Variants in TTLL11 observed in about 807,000 individuals in gnomAD.
The protein encoded by TTLL11 is tubulin polyglutamylase TTLL11.
In TTLL11, 42 loss-of-function variants were observed where a neutral mutation model predicts 51.7. The observed-to-expected ratio is 0.81, with a 90% confidence interval of 0.64 to 1.05. TTLL11 has a LOEUF of 1.05. Ranked by LOEUF, TTLL11 falls within the 50% of genes least tolerant of loss-of-function variation. The probability of loss-of-function intolerance (pLI) is 0.00; values close to 1 mark genes in which losing one functional copy is unlikely to be tolerated. For synonymous variants in TTLL11, 381 were observed against 383.5 expected, an observed-to-expected ratio of 0.99 and a Z score of 0.08; for missense variants, 799 against 940.4, an observed-to-expected ratio of 0.85 and a Z score of 1.97.
chr9:121,844,132 C>A (rs1419059715), intron 8 of TTLL11, among the ~76,000 whole-genome samples: 5 of 152,176 alleles, frequency 3.3e-5, no homozygotes, highest in African/African-American at 1.2e-4. Flanking sequence ...CCACTAGGAA[C>A]AGATTTAATC....
At chr9:122,069,786 A>G (rs2131890665) in intron 1 of TTLL11, among the ~76,000 whole-genome samples, 1 of 152,220 alleles carries the variant, frequency 6.6e-6, no homozygotes, top group East Asian at 1.9e-4. Flanking sequence ...CCCCTGCTGG[A>G]CAGCCCCAGA....
chr9:121,893,194 T>C (rs1255093303), intron 6 of TTLL11, among the ~76,000 whole-genome samples: 2 of 152,122 alleles, frequency 1.3e-5, no homozygotes, highest in Non-Finnish European at 2.9e-5. Flanking sequence ...TATATGTTCA[T>C]GTAAAAAAAA....
intron 6 of TTLL11, among the ~76,000 whole-genome samples, chr9:121,901,164 C>T (rs902269911): frequency 6.6e-6 from 1 of 152,192 alleles, no homozygotes; most frequent in African/African-American, 2.4e-5. Context: ...ATAGAAAATA[C>T]TACTGATTTT....
intron 6 of TTLL11, among the ~76,000 whole-genome samples, chr9:121,910,239 T>C (rs1372017929): frequency 1.3e-5 from 2 of 152,306 alleles, no homozygotes; most frequent in East Asian, 1.9e-4. Flanking sequence ...GTTTTGCAAA[T>C]GACCTTGACC....
chr9:122,089,531 G>A (rs561548628), intron 1 of TTLL11, among the ~76,000 whole-genome samples: 1 of 152,266 alleles, frequency 6.6e-6, no homozygotes, highest in African/African-American at 2.4e-5. Context: ...AAGCAGGAAG[G>A]AACTTTAAAG....
chr9:121,998,048 C>T (rs1336735635), intron 3 of TTLL11, among the ~76,000 whole-genome samples: 2 of 152,322 alleles, frequency 1.3e-5, no homozygotes, highest in East Asian at 3.9e-4. Context: ...CACTCCACTG[C>T]TGAGTAAGCT....
Position 122,092,976 on chromosome 9 carries a change from TC to T in TTLL11, c.172del (p.Glu58SerfsTer86). 9 of 1,570,538 alleles carry T rather than the reference TC, an allele frequency of 5.7e-6. No homozygotes were observed. Among genetic ancestry groups the T allele is most frequent in the Non-Finnish European group, 7.7e-6 (9 of 1,167,222 alleles). ...AGEPECKAGE[E>X]QPKVLAPAPA... ...GGCCGGGGCCAGGACCTTGGGCTGC[TC>T]CTCCCCTGCCTTGCACTCCGGTTCC... On this transcript the variant is annotated frameshift_variant, in exon 1 of 9. Transcript: ENST00000321582. LOFTEE classifies it high-confidence loss of function.
chr9:122,090,589 T>C (rs1214317046), intron 1 of TTLL11, among the ~76,000 whole-genome samples: 1 of 152,192 alleles, frequency 6.6e-6, no homozygotes, highest in African/African-American at 2.4e-5. Flanking sequence ...GTGCCCCTCC[T>C]CTACCTCCCG....
At chr9:121,834,989 T>C (rs1245628582) in intron 8 of TTLL11, among the ~76,000 whole-genome samples, 3 of 152,170 alleles carry the variant, frequency 2.0e-5, no homozygotes, top group Non-Finnish European at 4.4e-5. Context: ...CTGAGTTTCA[T>C]GAGGCCAGGA....
At chr9:122,005,825 G>A (rs1457657546) in intron 3 of TTLL11, among the ~76,000 whole-genome samples, 1 of 152,128 alleles carries the variant, frequency 6.6e-6, no homozygotes, top group East Asian at 1.9e-4. Context: ...AATTTCCAGG[G>A]GTGTTTCTCA....
chr9:121,867,587 C>T (rs1416049906), intron 7 of TTLL11, among the ~76,000 whole-genome samples: 4 of 152,144 alleles, frequency 2.6e-5, no homozygotes, highest in Non-Finnish European at 5.9e-5. Context: ...GATGATAAAC[C>T]TTTCTAACTT....
At chr9:122,065,557 G>T (rs969871540) in intron 1 of TTLL11, among the ~76,000 whole-genome samples, 1 of 152,208 alleles carries the variant, frequency 6.6e-6, no homozygotes, top group Non-Finnish European at 1.5e-5. Context: ...CACGGAAGCA[G>T]CAAGATAATA....
chr9:121,896,198 C>A (rs1839517568), intron 6 of TTLL11, among the ~76,000 whole-genome samples: 1 of 152,122 alleles, frequency 6.6e-6, no homozygotes, highest in Non-Finnish European at 1.5e-5. Flanking sequence ...TGGCTCCCAC[C>A]CAAGACACGG....
At chr9:121,943,017 G>T (rs1322457070) in intron 6 of TTLL11, among the ~76,000 whole-genome samples, 2 of 152,148 alleles carry the variant, frequency 1.3e-5, no homozygotes, top group African/African-American at 2.4e-5. Context: ...AGTCCTGAAG[G>T]TCACGTGGCA....
At chr9:122,045,746 A>G (rs1844984093) in intron 1 of TTLL11, among the ~76,000 whole-genome samples, 1 of 152,234 alleles carries the variant, frequency 6.6e-6, no homozygotes, top group African/African-American at 2.4e-5. Flanking sequence ...ATTCTTCTAC[A>G]ACATGGATGT....
At chr9:121,838,686 T>C (rs960378675) in intron 8 of TTLL11, among the ~76,000 whole-genome samples, 8 of 151,622 alleles carry the variant, frequency 5.3e-5, no homozygotes, top group African/African-American at 1.9e-4. Context: ...GCCACTGCAC[T>C]CCAGACTGGG....
intron 8 of TTLL11, among the ~76,000 whole-genome samples, chr9:121,843,878 G>T (rs10985413): frequency 0.034 from 5,118 of 152,070 alleles, 259 homozygotes; most frequent in African/African-American, 0.11. Flanking sequence ...CTCACTGTGC[G>T]GCGTAAGCTG....
intron 6 of TTLL11, among the ~76,000 whole-genome samples, chr9:121,946,279 G>A (rs1841660709): frequency 1.3e-5 from 2 of 152,182 alleles, no homozygotes; most frequent in African/African-American, 4.8e-5. Flanking sequence ...TCAACAAGCC[G>A]ACAGGAGCTG....
chr9:121,816,889 T>C lies in TTLL11; in HGVS notation c.*5698A>G, dbSNP rs1338699329. ...TTATTTTGTGAGGGAGAAATTCATATGCCATAGGGGAAAATTTCTCTCACA... is the reference window on the plus strand; with the variant it reads ...TTATTTTGTGAGGGAGAAATTCATACGCCATAGGGGAAAATTTCTCTCACA... On this transcript the variant is annotated 3_prime_UTR_variant, in exon 9 of 9. Transcript: ENST00000321582. 1.3e-5 allele frequency: 2 copies of C among 152,220 alleles called. No individual in the cohort carries two copies. Among genetic ancestry groups the C allele is most frequent in the Admixed American group, 1.3e-4 (2 of 15,284 alleles). 9.4% of individuals were successfully genotyped at this position (152,220 alleles called of 1,614,324 possible). A position where few individuals can be genotyped will look rare whatever the true frequency, so the allele number is the denominator to read the frequency against.
Sources: allele counts gnomAD v4.1 joint callset (sites outside exome capture counted in the v4.1 genomes callset), GRCh38; gene constraint gnomAD v4.1.1; transcripts MANE v1.5; gene names NCBI Gene and HGNC (gene_info 2026-07-23, HGNC 2026-07-21).